The following ADAM23 variants were observed in gnomAD, a reference collection of about 807,000 sequenced individuals.
The protein encoded by ADAM23 is disintegrin and metalloproteinase domain-containing protein 23.
ADAM23 carries 33 observed loss-of-function variants against 120.1 expected under a neutral mutation model. The ratio of observed to expected loss-of-function variants is 0.27; its 90% CI spans 0.21 to 0.37. The LOEUF is 0.37. Ranked by LOEUF, ADAM23 falls within the 10% of genes least tolerant of loss-of-function variation. The probability of loss-of-function intolerance (pLI) is 1.00; values close to 1 mark genes in which losing one functional copy is unlikely to be tolerated. For synonymous variants in ADAM23, 367 were observed against 375.2 expected, an observed-to-expected ratio of 0.98 and a Z score of 0.25; for missense variants, 862 against 1,058.2, an observed-to-expected ratio of 0.81 and a Z score of 2.57.
At chr2:206,547,361 C>T (rs1394110395) in intron 6 of ADAM23, 68 bp from the exon 7 acceptor site, 2 of 1,333,684 alleles carry the variant, frequency 1.5e-6, no homozygotes. Context: ...AGAGAAAGTT[C>T]CAACACTGTT....
intron 4 of ADAM23, among the ~76,000 whole-genome samples, chr2:206,537,239 A>G (rs1237519840): frequency 6.6e-6 from 1 of 152,054 alleles, no homozygotes; most frequent in East Asian, 1.9e-4. Context: ...TCCTTATCAA[A>G]TCATCATCAC....
At chr2:206,580,189 T>G (rs10804152) in intron 18 of ADAM23, among the ~76,000 whole-genome samples, 2 of 152,020 alleles carry the variant, frequency 1.3e-5, no homozygotes, top group Non-Finnish European at 2.9e-5. Context: ...TCCTCTTTAC[T>G]GACTTGGATG....
At chr2:206,539,243 T>C (rs1259088336) in intron 4 of ADAM23, among the ~76,000 whole-genome samples, 1 of 152,194 alleles carries the variant, frequency 6.6e-6, no homozygotes, top group East Asian at 1.9e-4. Context: ...AACTTCCACT[T>C]ATCAGATGCT....
intron 18 of ADAM23, among the ~76,000 whole-genome samples, chr2:206,575,554 CT>C (rs1319803575): frequency 6.6e-6 from 1 of 152,070 alleles, no homozygotes; most frequent in African/African-American, 2.4e-5. Flanking sequence ...ATGGGGTTAC[CT>C]GTTGCTAGGC....
chr2:206,563,128 C>T (rs1055988032), intron 13 of ADAM23, among the ~76,000 whole-genome samples: 7 of 152,030 alleles, frequency 4.6e-5, no homozygotes, highest in Non-Finnish European at 1.0e-4. Context: ...CAGTGGGCAA[C>T]GACCTAATGC....
chr2:206,509,926 G>T (rs977969427), intron 3 of ADAM23, among the ~76,000 whole-genome samples: 7 of 152,200 alleles, frequency 4.6e-5, no homozygotes, highest in Admixed American at 3.9e-4. Context: ...CCGTGGCTTT[G>T]ACATTAGCTA....
intron 9 of ADAM23, 48 bp from the exon 10 acceptor site, chr2:206,557,376 TTTA>T (rs751538062): frequency 5.0e-6 from 7 of 1,401,934 alleles, no homozygotes; most frequent in South Asian, 2.3e-5. Context: ...CATTTTGAAA[TTTA>T]TTATTCACTT....
At chr2:206,563,988 C>T (rs1697825639) in intron 13 of ADAM23, among the ~76,000 whole-genome samples, 1 of 152,082 alleles carries the variant, frequency 6.6e-6, no homozygotes, top group African/African-American at 2.4e-5. Context: ...CCTCGGCCTC[C>T]CATAGTGCTG....
At chr2:206,534,685 T>C (rs1357098729) in intron 4 of ADAM23, among the ~76,000 whole-genome samples, 1 of 152,224 alleles carries the variant, frequency 6.6e-6, no homozygotes, top group Non-Finnish European at 1.5e-5. Context: ...TCTTTTTTGG[T>C]GAGCTGCTAA....
chr2:206,464,650 A>G (rs1695503857), intron 2 of ADAM23, among the ~76,000 whole-genome samples: 2 of 150,956 alleles, frequency 1.3e-5, no homozygotes, highest in South Asian at 2.1e-4. Flanking sequence ...AGAGGAAGCT[A>G]TACATACATC....
In ADAM23 at chr2:206,617,651, G is replaced by A. The variant is rs776831418; in HGVS notation, c.*24G>A. 7.4e-6 allele frequency: 12 copies of A among 1,612,698 alleles called. No homozygotes were observed. In the South Asian group the frequency reaches 8.8e-5, roughly 12 times the overall value. ...GAATCAGCTGCGCTGGATGGACACC[G>A]CCTTGCACTGTTGGATTCTGGGTAT... is the stretch of plus-strand genomic sequence containing the variant. On this transcript the variant is annotated 3_prime_UTR_variant, in exon 26 of 26. Coordinates refer to ENST00000264377, the MANE Select transcript of ADAM23 (RefSeq NM_003812.4).
chr2:206,589,611 T>C (rs1698388298), intron 21 of ADAM23, 97 bp downstream of exon 21: 4 of 987,464 alleles, frequency 4.1e-6, no homozygotes, highest in Non-Finnish European at 5.8e-6. Flanking sequence ...GATTTTTTTC[T>C]AAGTGTTCAC....
At chr2:206,495,762 TGTGCAG>T (rs1349728194) in intron 3 of ADAM23, among the ~76,000 whole-genome samples, 2 of 152,038 alleles carry the variant, frequency 1.3e-5, no homozygotes, top group African/African-American at 4.8e-5. Flanking sequence ...ACCCATCTCA[TGTGCAG>T]AGACACACAT....
At chr2:206,463,784 ATGTAGAGACCT>A (rs1559218357) in intron 2 of ADAM23, among the ~76,000 whole-genome samples, 1 of 152,234 alleles carries the variant, frequency 6.6e-6, no homozygotes, top group Admixed American at 6.5e-5. Flanking sequence ...GGTAAATGGT[ATGTAGAGACCT>A]CGGGGTTTCA....
chr2:206,519,904 A>G (rs1460720261), intron 3 of ADAM23, among the ~76,000 whole-genome samples: 2 of 152,104 alleles, frequency 1.3e-5, no homozygotes, highest in African/African-American at 2.4e-5. Flanking sequence ...GTTCCCAGCT[A>G]CTTGGGAGGC....
Position 206,609,667 on chromosome 2 carries a change from G to A in ADAM23, c.2360-243G>A, listed in dbSNP as rs756376015. On this transcript the variant is annotated intron_variant, in intron 24 of 25. Transcript: ENST00000264377. Reference sequence around the variant, plus strand: ...CCTATTTGCTTCAAATTCTGTGAAAGGTGAATTTAATGGAACTTAATTGTC... The same window carrying A: ...CCTATTTGCTTCAAATTCTGTGAAAAGTGAATTTAATGGAACTTAATTGTC... The A allele has an allele frequency of 1.9e-4, 81 of 435,886 alleles. 1 individual carries two copies. The highest frequency in any genetic ancestry group is 2.9e-4 in the Non-Finnish European group (72 of 248,816). 27.0% of individuals were successfully genotyped at this position (435,886 alleles called of 1,614,324 possible).
At chr2:206,491,160 C>T (rs929506363) in intron 3 of ADAM23, among the ~76,000 whole-genome samples, 1 of 152,010 alleles carries the variant, frequency 6.6e-6, no homozygotes, top group South Asian at 2.1e-4. Context: ...CTGCCTGCCC[C>T]TACCCCTGCT....
intron 21 of ADAM23, among the ~76,000 whole-genome samples, chr2:206,589,803 A>G (rs565076339): frequency 2.0e-5 from 3 of 152,288 alleles, no homozygotes; most frequent in African/African-American, 7.2e-5. Flanking sequence ...GAGCATTACA[A>G]ATTAATACTA....
intron 23 of ADAM23, among the ~76,000 whole-genome samples, chr2:206,595,547 G>C (rs1475086568): frequency 6.6e-6 from 1 of 152,152 alleles, no homozygotes; most frequent in Non-Finnish European, 1.5e-5. Context: ...GGTGTTGGAC[G>C]TGGTAACGGT....
Sources: gnomAD v4.1 joint callset for allele counts (sites outside exome capture counted in the v4.1 genomes callset) on GRCh38, gnomAD v4.1.1 for gene constraint, MANE v1.5 for transcripts, NCBI Gene and HGNC (gene_info 2026-07-23, HGNC 2026-07-21) for gene names.